The following GLRA1 variants were observed in gnomAD, a reference collection of about 807,000 sequenced individuals.
GLRA1 encodes glycine receptor subunit alpha-1.
GLRA1 carries 37 observed loss-of-function variants against 48.3 expected under a neutral mutation model. The observed-to-expected ratio is 0.77, with a 90% CI of 0.59 to 1.01. The LOEUF is 1.01. Among genes scored for constraint, GLRA1 ranks in the 50% least tolerant of loss-of-function variants. The probability of loss-of-function intolerance (pLI) is 0.00; values close to 1 mark genes in which losing one functional copy is unlikely to be tolerated. For synonymous variants in GLRA1, 196 were observed against 210.7 expected, an observed-to-expected ratio of 0.93 and a Z score of 0.60; for missense variants, 427 against 571.0, an observed-to-expected ratio of 0.75 and a Z score of 2.57.
chr5:151,870,593 T>C (rs1271775491), intron 3 of GLRA1, among the ~76,000 whole-genome samples: 3 of 149,876 alleles, frequency 2.0e-5, no homozygotes, highest in African/African-American at 7.7e-5. Context: ...GGGGACTGTT[T>C]TGTAAACATA....
At chr5:151,871,227 C>T (rs2113378651) in intron 3 of GLRA1, among the ~76,000 whole-genome samples, 1 of 149,374 alleles carries the variant, frequency 6.7e-6, no homozygotes, top group East Asian at 1.9e-4. Flanking sequence ...TTGGATAACG[C>T]TGAATAGACT....
At chr5:151,823,136 T>C (rs1053001696) in intron 8 of GLRA1, 173 bp from the exon 9 acceptor site, 20 of 607,050 alleles carry the variant, frequency 3.3e-5, no homozygotes, top group Non-Finnish European at 2.6e-5. Flanking sequence ...TTCTGCCTTA[T>C]AGAGGGGCGC....
intron 7 of GLRA1, among the ~76,000 whole-genome samples, chr5:151,830,113 A>G (rs774014751): frequency 6.6e-6 from 1 of 152,182 alleles, no homozygotes; most frequent in Non-Finnish European, 1.5e-5. Context: ...GTCATAATCT[A>G]TCCAGCTCCA....
At chr5:151,852,720 G>A (rs1369394194) in intron 6 of GLRA1, among the ~76,000 whole-genome samples, 1 of 152,202 alleles carries the variant, frequency 6.6e-6, no homozygotes, top group African/African-American at 2.4e-5. Flanking sequence ...AGAATATGCT[G>A]TGTACATTTA....
chr5:151,849,501 C>CCTTCCTTCCT (rs1418606181), intron 7 of GLRA1, among the ~76,000 whole-genome samples: 1 of 37,704 alleles, frequency 2.7e-5, no homozygotes, highest in African/African-American at 1.6e-4. Context: ...CCTTTCTTTT[C>CCTTCCTTCCT]TTTCTTTCTT....
intron 3 of GLRA1, among the ~76,000 whole-genome samples, chr5:151,874,411 C>G (rs182746686): frequency 3.2e-3 from 492 of 152,204 alleles, no homozygotes; most frequent in Non-Finnish European, 4.6e-3. Flanking sequence ...AGTAGGTTCC[C>G]CATCACTGGA....
At position 151,916,778 on chromosome 5, in the gene GLRA1, T is replaced by C. The variant is rs80118659; in HGVS notation, c.56+7716A>G. Among the ~76,000 whole-genome samples the C allele has an allele frequency of 8.7e-3, 1,330 of 152,256 alleles. 19 individuals carry two copies. Among genetic ancestry groups the C allele is most frequent in the African/African-American group, 0.031 (1,279 of 41,554 alleles). On this transcript the variant is annotated intron_variant, in intron 1 of 8. Transcript: ENST00000274576. Reference sequence around the variant, plus strand: ...GTGTCCCAGGGCCAGGATTTAAAACTCATTGCCCGGGTGCCCCTTCTCTTT... The same window carrying C: ...GTGTCCCAGGGCCAGGATTTAAAACCCATTGCCCGGGTGCCCCTTCTCTTT...
At chr5:151,866,925 A>C (rs1362721558) in intron 3 of GLRA1, among the ~76,000 whole-genome samples, 1 of 152,014 alleles carries the variant, frequency 6.6e-6, no homozygotes, top group African/African-American at 2.4e-5. Context: ...GCAATGTGGA[A>C]AACTCCATCT....
chr5:151,863,696 G>T (rs1273523244), intron 3 of GLRA1, among the ~76,000 whole-genome samples: 1 of 152,068 alleles, frequency 6.6e-6, no homozygotes, highest in Non-Finnish European at 1.5e-5. Context: ...CTGGATAAAT[G>T]AGGTCATGCA....
chr5:151,899,966 T>C (rs1232052023), intron 1 of GLRA1, among the ~76,000 whole-genome samples: 1 of 152,186 alleles, frequency 6.6e-6, no homozygotes, highest in East Asian at 1.9e-4. Context: ...GGTAAAATCC[T>C]GGATTCTTGG....
In GLRA1 at chr5:151,924,839, T is replaced by A; in HGVS notation, c.-290A>T. The A allele has an allele frequency of 4.2e-6, 2 of 479,662 alleles. No individual in the cohort carries two copies. The highest frequency in any genetic ancestry group is 2.4e-5 in the South Asian group (1 of 41,942). The allele number at this position is 479,662 out of a possible 1,614,324, so 29.7% of individuals were successfully genotyped here. A position where few individuals can be genotyped will look rare whatever the true frequency, so the allele number is the denominator to read the frequency against. ...GTTAAACTCCAGCGTGTCTGTTGGC[T>A]CCCTGCGGCGCTGGGGAGGCACGTT... is the stretch of plus-strand genomic sequence containing the variant. On this transcript the variant is annotated 5_prime_UTR_variant, in exon 1 of 9. Transcript: ENST00000274576.
At chr5:151,850,687 A>G in intron 7 of GLRA1, 1 of 1,235,142 alleles carries the variant, frequency 8.1e-7, no homozygotes, top group Non-Finnish European at 1.2e-6. Context: ...GTTACTTTGA[A>G]GACTGTTGCC....
intron 4 of GLRA1, among the ~76,000 whole-genome samples, chr5:151,857,852 C>T (rs1753088703): frequency 6.6e-6 from 1 of 152,168 alleles, no homozygotes; most frequent in Non-Finnish European, 1.5e-5. Context: ...TTTCAGAGCC[C>T]AAAGAGCCTT....
chr5:151,857,189 C>T (rs1365732999), intron 4 of GLRA1, among the ~76,000 whole-genome samples: 1 of 152,256 alleles, frequency 6.6e-6, no homozygotes, highest in Admixed American at 6.5e-5. Context: ...CCAGCCTAGA[C>T]AAAGCCCCCG....
chr5:151,877,376 A>G (rs1355281078), intron 3 of GLRA1, among the ~76,000 whole-genome samples: 1 of 152,236 alleles, frequency 6.6e-6, no homozygotes, highest in Non-Finnish European at 1.5e-5. Context: ...TTATAGGACT[A>G]AAACAGAACT....
chr5:151,827,682 G>T (rs1763312286), intron 8 of GLRA1, among the ~76,000 whole-genome samples: 2 of 152,070 alleles, frequency 1.3e-5, no homozygotes, highest in African/African-American at 4.8e-5. Flanking sequence ...TTTTATTTTT[G>T]AGCTTTACTG....
intron 5 of GLRA1, among the ~76,000 whole-genome samples, chr5:151,855,508 C>T (rs147285032): frequency 5.3e-5 from 8 of 152,240 alleles, no homozygotes; most frequent in Middle Eastern, 6.8e-3. Flanking sequence ...AGCAGATACT[C>T]CTCTGTGGAA....
chr5:151,827,615 A>G (rs1352314648), intron 8 of GLRA1, among the ~76,000 whole-genome samples: 2 of 152,222 alleles, frequency 1.3e-5, no homozygotes, highest in Admixed American at 1.3e-4. Context: ...CTAAAGAGGC[A>G]GGGTCCTTTG....
At chr5:151,827,822 A>C (rs1371431133) in intron 8 of GLRA1, among the ~76,000 whole-genome samples, 1 of 152,180 alleles carries the variant, frequency 6.6e-6, no homozygotes, top group Non-Finnish European at 1.5e-5. Flanking sequence ...CTAATCTGTC[A>C]GTGGAAAAAC....
Sources: gnomAD v4.1 joint callset for allele counts (sites outside exome capture counted in the v4.1 genomes callset) on GRCh38, gnomAD v4.1.1 for gene constraint, MANE v1.5 for transcripts, NCBI Gene and HGNC (gene_info 2026-07-23, HGNC 2026-07-21) for gene names.